The following DPP10 variants were observed in gnomAD, a reference collection of about 807,000 sequenced individuals.
The protein encoded by DPP10 is dipeptidyl peptidase like 10, also known as inactive dipeptidyl peptidase 10.
A neutral mutation model predicts 120.9 loss-of-function variants in DPP10; 33 were observed. The ratio of observed to expected loss-of-function variants is 0.27; its 90% confidence interval spans 0.21 to 0.37. The LOEUF is 0.37. Among genes scored for constraint, DPP10 ranks in the 10% least tolerant of loss-of-function variants. DPP10 has a pLI of 1.00. For synonymous variants in DPP10, 337 were observed against 326.1 expected (o/e 1.03, Z -0.36); for missense variants, 816 against 942.8 (o/e 0.87, Z 1.76).
intron 7 of DPP10, among the ~76,000 whole-genome samples, chr2:115,690,487 G>A (rs1055572429): frequency 6.6e-6 from 1 of 152,078 alleles, no homozygotes; most frequent in Admixed American, 6.6e-5. Context: ...ATCTCAGCTC[G>A]CTGCAACCTC....
chr2:115,762,657 G>T, intron 12 of DPP10, 47 bp downstream of exon 12: 1 of 1,603,820 alleles, frequency 6.2e-7, no homozygotes, highest in African/African-American at 1.3e-5. Context: ...TGACCATCCT[G>T]TTCACCCATT....
intron 4 of DPP10, among the ~76,000 whole-genome samples, chr2:115,515,710 A>T (rs1422959767): frequency 6.6e-6 from 1 of 152,100 alleles, no homozygotes; most frequent in Non-Finnish European, 1.5e-5. Flanking sequence ...TGAAAGAAGA[A>T]ATGAATGAAT....
At chr2:114,809,302 G>C (rs1163803884) in intron 1 of DPP10, among the ~76,000 whole-genome samples, 1 of 152,150 alleles carries the variant, frequency 6.6e-6, no homozygotes, top group Non-Finnish European at 1.5e-5. Flanking sequence ...AGGCCATTTA[G>C]ATAACCCACC....
chr2:114,770,528 G>A lies in DPP10; in HGVS notation c.60+327690G>A, dbSNP rs201047487. ...ACTTTTGCAAAATAAAAATAGCACC[G>A]TGCCGTAAAACCAAAAATGTGCTTT... On this transcript the variant is annotated intron_variant, in intron 1 of 25. Transcript: ENST00000410059. Among the ~76,000 whole-genome samples, 12 of 152,186 alleles carry A rather than the reference G, an allele frequency of 7.9e-5. No individual in the cohort carries two copies. The East Asian group carries it at 1.9e-3, about 25-fold the overall frequency.
At chr2:114,739,915 T>G (rs932526657) in intron 1 of DPP10, among the ~76,000 whole-genome samples, 2 of 152,162 alleles carry the variant, frequency 1.3e-5, no homozygotes, top group African/African-American at 4.8e-5. Context: ...ACCAGGTCAT[T>G]CATTCATCAT....
intron 1 of DPP10, among the ~76,000 whole-genome samples, chr2:114,567,460 G>A (rs1037559966): frequency 9.9e-5 from 15 of 152,144 alleles, no homozygotes; most frequent in African/African-American, 3.1e-4. Flanking sequence ...AAGTCAGAGA[G>A]CAGAGGAGAG....
intron 1 of DPP10, among the ~76,000 whole-genome samples, chr2:114,981,445 A>G (rs983118536): frequency 1.5e-4 from 23 of 152,240 alleles, no homozygotes; most frequent in African/African-American, 5.1e-4. Flanking sequence ...AGATATACAC[A>G]TAAGTGAATA....
intron 12 of DPP10, among the ~76,000 whole-genome samples, chr2:115,762,839 G>T (rs555947966): frequency 2.6e-4 from 39 of 152,240 alleles, no homozygotes; most frequent in African/African-American, 8.7e-4. Flanking sequence ...TAGCTGCCAG[G>T]ATCACTTTTT....
At chr2:115,805,252 G>T (rs1685789614) in intron 19 of DPP10, among the ~76,000 whole-genome samples, 1 of 152,102 alleles carries the variant, frequency 6.6e-6, no homozygotes, top group South Asian at 2.1e-4. Flanking sequence ...ATAATCTCCT[G>T]GTGCACCGTT....
At chr2:115,564,569 A>G (rs2080886497) in intron 5 of DPP10, among the ~76,000 whole-genome samples, 1 of 152,188 alleles carries the variant, frequency 6.6e-6, no homozygotes, top group African/African-American at 2.4e-5. Flanking sequence ...TAAATGTACC[A>G]TAATTTATTT....
chr2:115,286,935 T>C lies in DPP10; in HGVS notation c.61-22304T>C, dbSNP rs74618683. ...CATGGCAGCTTATAATATTTAAGTT[T>C]CCTGATTCTAGGTACAAAGATCTCT... On this transcript the variant is annotated intron_variant, in intron 1 of 25. Transcript: ENST00000410059. 4.7e-4 allele frequency among the ~76,000 whole-genome samples: 71 copies of C among 152,128 alleles called. 1 individual carries two copies. The East Asian group carries it at 0.014, about 29-fold the overall frequency.
chr2:115,764,362 T>C (rs1239535334), intron 12 of DPP10, among the ~76,000 whole-genome samples: 1 of 152,100 alleles, frequency 6.6e-6, no homozygotes, highest in Admixed American at 6.6e-5. Flanking sequence ...AGTATATGTG[T>C]CTTTGCACAT....
intron 3 of DPP10, among the ~76,000 whole-genome samples, chr2:115,445,637 G>A (rs2072509791): frequency 6.6e-6 from 1 of 152,184 alleles, no homozygotes; most frequent in African/African-American, 2.4e-5. Flanking sequence ...TGGGTATCTG[G>A]TGGAAGAAAT....
chr2:115,608,203 CATGGTAAA>C (rs1402283985), intron 5 of DPP10, among the ~76,000 whole-genome samples: 1 of 152,010 alleles, frequency 6.6e-6, no homozygotes, highest in Non-Finnish European at 1.5e-5. Flanking sequence ...GTCTGGCCAA[CATGGTAAA>C]ACCCCATCTC....
chr2:115,350,940 C>T (rs554146704), intron 3 of DPP10, among the ~76,000 whole-genome samples: 1 of 152,150 alleles, frequency 6.6e-6, no homozygotes, highest in South Asian at 2.1e-4. Flanking sequence ...TAAATTAGTT[C>T]AGCCACTATG....
intron 5 of DPP10, among the ~76,000 whole-genome samples, chr2:115,587,595 T>C (rs1252437157): frequency 6.6e-6 from 1 of 152,214 alleles, no homozygotes; most frequent in Non-Finnish European, 1.5e-5. Context: ...TGCAATCTCA[T>C]ATTTATTGCA....
intron 1 of DPP10, among the ~76,000 whole-genome samples, chr2:114,673,703 G>C (rs1698492390): frequency 6.6e-6 from 1 of 152,026 alleles, no homozygotes; most frequent in East Asian, 1.9e-4. Context: ...TAATCTGCCT[G>C]TCTCGGCCTC....
chr2:115,122,411 T>C (rs2104743242), intron 1 of DPP10, among the ~76,000 whole-genome samples: 1 of 152,314 alleles, frequency 6.6e-6, no homozygotes, highest in Admixed American at 6.5e-5. Context: ...GGACCAGCCT[T>C]CATCTCTGTC....
chr2:115,799,164 C>G (rs1198789548), intron 19 of DPP10, among the ~76,000 whole-genome samples: 1 of 151,714 alleles, frequency 6.6e-6, no homozygotes, highest in African/African-American at 2.4e-5. Flanking sequence ...ACATTAATAC[C>G]TTGGGAAAGG....
Sources: gnomAD v4.1 joint callset for allele counts (sites outside exome capture counted in the v4.1 genomes callset) on GRCh38, gnomAD v4.1.1 for gene constraint, MANE v1.5 for transcripts, NCBI Gene and HGNC (gene_info 2026-07-23, HGNC 2026-07-21) for gene names.